SIAH2: variants seen among roughly 807,000 people sequenced by gnomAD.
SIAH2 encodes the protein E3 ubiquitin-protein ligase SIAH2.
Under a neutral mutation model 20.4 loss-of-function variants are expected in SIAH2, and 4 were observed. The ratio of observed to expected loss-of-function variants is 0.20; its 90% CI spans 0.10 to 0.45. The LOEUF (loss-of-function observed/expected upper bound fraction) is 0.45, where lower values mean the gene tolerates loss of function less well. Ranked by LOEUF, SIAH2 falls within the 20% of genes least tolerant of loss-of-function variation. The pLI, the probability that SIAH2 is intolerant of heterozygous loss-of-function variation, is 0.99. For synonymous variants in SIAH2, 171 were observed against 192.5 expected, an observed-to-expected ratio of 0.89 and a Z score of 0.93; for missense variants, 259 against 440.3, an observed-to-expected ratio of 0.59 and a Z score of 3.69.
At position 150,745,570 on chromosome 3, in the gene SIAH2, A is replaced by T. The variant is rs571809389; in HGVS notation, c.418-2872T>A. Among the ~76,000 whole-genome samples the T allele has an allele frequency of 6.0e-5, 9 of 150,736 alleles. No homozygotes were observed. In the East Asian group the frequency reaches 1.8e-3, roughly 29 times the overall value. On this transcript the variant is annotated intron_variant, in intron 1 of 1. Coordinates refer to ENST00000312960, the MANE Select transcript of SIAH2 (RefSeq NM_005067.7). ...GAGTGCAGTGGCGCGATCTCGGTTC[A>T]CTGCAAGCTCCGCCTCCCGGGTTCA...
intron 1 of SIAH2, among the ~76,000 whole-genome samples, chr3:150,743,496 C>T (rs1714144544): frequency 6.6e-6 from 1 of 152,192 alleles, no homozygotes; most frequent in Non-Finnish European, 1.5e-5. Flanking sequence ...CCCAACACTT[C>T]CTCAGATTCA....
At chr3:150,755,160 T>C (rs967635887) in intron 1 of SIAH2, among the ~76,000 whole-genome samples, 2 of 152,038 alleles carry the variant, frequency 1.3e-5, no homozygotes, top group African/African-American at 4.8e-5. Context: ...GAGTTGGGAT[T>C]TGGACCAGGC....
intron 1 of SIAH2, among the ~76,000 whole-genome samples, chr3:150,745,662 A>AT (rs1336732787): frequency 2.0e-5 from 3 of 151,570 alleles, no homozygotes; most frequent in African/African-American, 4.9e-5. Flanking sequence ...CACCCAGCTA[A>AT]TTTTTTGTAT....
chr3:150,745,218 T>C (rs1714182486), intron 1 of SIAH2, among the ~76,000 whole-genome samples: 1 of 149,186 alleles, frequency 6.7e-6, no homozygotes, highest in South Asian at 2.1e-4. Context: ...TTATGATGAC[T>C]AAAGTCTAAA....
chr3:150,744,509 C>T lies in SIAH2; in HGVS notation c.418-1811G>A, dbSNP rs189669117. ...ACTTTGTGTTCCTTACTTTATAAGG[C>T]CTGAAAAACAAATCCCTATTAACTG... On this transcript the variant is annotated intron_variant, in intron 1 of 1. Transcript: ENST00000312960. Among the ~76,000 whole-genome samples, 5 of 152,230 alleles carry T rather than the reference C, an allele frequency of 3.3e-5. No homozygotes were observed. The East Asian group carries it at 9.6e-4, about 29-fold the overall frequency.
chr3:150,754,069 C>A (rs1176490243), intron 1 of SIAH2, among the ~76,000 whole-genome samples: 2 of 152,112 alleles, frequency 1.3e-5, no homozygotes, highest in African/African-American at 2.4e-5. Flanking sequence ...GAAAAGCAGT[C>A]ACGATGTGTT....
rs1838337 is a variant in SIAH2 at position 150,762,029 on chromosome 3, G to A, written c.417+404C>T. The A allele has an allele frequency of 4.5e-6, 1 of 220,230 alleles. No individual in the cohort carries two copies. The highest frequency in any genetic ancestry group is 2.4e-5 in the African/African-American group (1 of 41,940). 13.6% of individuals were successfully genotyped at this position (220,230 alleles called of 1,614,324 possible). On this transcript the variant is annotated intron_variant, in intron 1 of 1. Transcript: ENST00000312960. This position sits in a 1 kb window ranked among gnomAD's most constrained non-coding sequence, Gnocchi z 6.6. ...AATTATCAATTCAGCCGAGCCCAGC[G>A]CTGGTAAAGGGGGCGTTTAGCTCGC...
chr3:150,751,925 C>T (rs777742338), intron 1 of SIAH2, among the ~76,000 whole-genome samples: 1 of 152,162 alleles, frequency 6.6e-6, no homozygotes, highest in Non-Finnish European at 1.5e-5. Context: ...TTTAGCCTTA[C>T]AGAGACTCCC....
At chr3:150,751,115 GA>G (rs1432462755) in intron 1 of SIAH2, among the ~76,000 whole-genome samples, 1 of 152,140 alleles carries the variant, frequency 6.6e-6, no homozygotes, top group East Asian at 1.9e-4. Context: ...GTAAATTCCT[GA>G]ACTCTGCTGT....
At position 150,742,881 on chromosome 3, in the gene SIAH2, C is replaced by G. The variant is rs1430545766; in HGVS notation, c.418-183G>C. On this transcript the variant is annotated intron_variant, in intron 1 of 1. Coordinates refer to ENST00000312960, the MANE Select transcript of SIAH2 (RefSeq NM_005067.7). This position sits in a 1 kb window ranked among gnomAD's most constrained non-coding sequence, Gnocchi z 4.8. ...CGTCTCTATTCATCATCAATGCTGT[C>G]ATGCATAAAATGAAGGGTATTTCCT... is the stretch of plus-strand genomic sequence containing the variant. Among the ~76,000 whole-genome samples the G allele has an allele frequency of 3.9e-5, 6 of 152,204 alleles. No homozygotes were observed. Among genetic ancestry groups the G allele is most frequent in the Non-Finnish European group, 5.9e-5 (4 of 68,048 alleles).
In SIAH2 at chr3:150,742,394, C is replaced by A. The variant is rs969476024; in HGVS notation, c.722G>T (p.Gly241Val). 3 of 1,614,014 alleles carry A rather than the reference C, an allele frequency of 1.9e-6. No individual in the cohort carries two copies. The Admixed American group carries it at 5.0e-5, about 27-fold the overall frequency. Residue 241 changes from glycine (G) to valine (V), a missense_variant, in exon 2 of 2, where the codon GGC becomes GTC. This residue lies in a region of SIAH2 where 160 missense variants were observed against 327.6 expected (regional missense o/e 0.49). Transcript: ENST00000312960. This position sits in a 1 kb window ranked among gnomAD's most constrained non-coding sequence, Gnocchi z 4.8. Reference sequence around the variant, plus strand: ...GACGATGGCAAAAAACTGCTGGTGGCCTTCGTACTTCTCTTGTTTCTCCAG... The same window carrying A: ...GACGATGGCAAAAAACTGCTGGTGGACTTCGTACTTCTCTTGTTTCTCCAG... Reference protein sequence around the residue: ...LVLEKQEKYEGHQQFFAIVLL... With the variant: ...LVLEKQEKYEVHQQFFAIVLL...
At chr3:150,757,162 G>A (rs1472684937) in intron 1 of SIAH2, among the ~76,000 whole-genome samples, 2 of 152,140 alleles carry the variant, frequency 1.3e-5, no homozygotes, top group Non-Finnish European at 2.9e-5. Flanking sequence ...CAGGGTCAGG[G>A]AAGTATGTGA....
chr3:150,752,973 C>T (rs528556482), intron 1 of SIAH2, among the ~76,000 whole-genome samples: 6 of 152,324 alleles, frequency 3.9e-5, no homozygotes, highest in African/African-American at 1.4e-4. Flanking sequence ...GTGCCTAGCT[C>T]GGGCCATCTA....
chr3:150,746,003 G>C (rs1200602903), intron 1 of SIAH2, among the ~76,000 whole-genome samples: 1 of 152,186 alleles, frequency 6.6e-6, no homozygotes, highest in African/African-American at 2.4e-5. Context: ...GGGTGAGGAG[G>C]ACATGGTAAG....
chr3:150,750,722 G>A (rs1714338954), intron 1 of SIAH2, among the ~76,000 whole-genome samples: 1 of 152,140 alleles, frequency 6.6e-6, no homozygotes, highest in Non-Finnish European at 1.5e-5. Flanking sequence ...CTGGCAGTGA[G>A]AAGGTTTATA....
chr3:150,743,549 C>T (rs993201826), intron 1 of SIAH2, among the ~76,000 whole-genome samples: 3 of 152,196 alleles, frequency 2.0e-5, no homozygotes, highest in Non-Finnish European at 2.9e-5. Flanking sequence ...GTCCTCACAA[C>T]AGGCCCGGGA....
intron 1 of SIAH2, among the ~76,000 whole-genome samples, chr3:150,752,795 C>A (rs1183982324): frequency 6.6e-6 from 1 of 152,132 alleles, no homozygotes; most frequent in East Asian, 1.9e-4. Flanking sequence ...CACTGCCATC[C>A]CTGCAAAAGC....
chr3:150,743,765 T>C (rs550273014), intron 1 of SIAH2, among the ~76,000 whole-genome samples: 1 of 152,242 alleles, frequency 6.6e-6, no homozygotes, highest in South Asian at 2.1e-4. Context: ...TGTTAATTCC[T>C]AGATACCAGA....
At chr3:150,760,166 G>C (rs1417534732) in intron 1 of SIAH2, among the ~76,000 whole-genome samples, 1 of 152,086 alleles carries the variant, frequency 6.6e-6, no homozygotes, top group African/African-American at 2.4e-5. Context: ...ATTCAAGTTT[G>C]GTTTATCCAG....
Sources: allele counts gnomAD v4.1 joint callset (sites outside exome capture counted in the v4.1 genomes callset), GRCh38; gene constraint gnomAD v4.1.1; regional missense constraint gnomAD v4.1.1; non-coding constraint Gnocchi (gnomAD v3.1); transcripts MANE v1.5; gene names NCBI Gene and HGNC (gene_info 2026-07-23, HGNC 2026-07-21).